Variants in CLEC16A observed in about 807,000 individuals in gnomAD.
CLEC16A encodes protein CLEC16A.
A neutral mutation model predicts 109.5 loss-of-function variants in CLEC16A; 51 were observed. The observed-to-expected ratio is 0.47, with a 90% CI of 0.37 to 0.59. The LOEUF (loss-of-function observed/expected upper bound fraction) is 0.59, where lower values mean the gene tolerates loss of function less well. Among genes scored for constraint, CLEC16A ranks in the 20% least tolerant of loss-of-function variants. CLEC16A has a pLI of 0.00. For missense variants in CLEC16A, 1,339 were observed against 1,394.0 expected (o/e 0.96, Z 0.63); for synonymous variants, 673 against 564.2 (o/e 1.19, Z -2.73).
intron 22 of CLEC16A, among the ~76,000 whole-genome samples, chr16:11,165,695 C>T (rs558653732): frequency 1.3e-5 from 2 of 152,122 alleles, no homozygotes; most frequent in Non-Finnish European, 2.9e-5. Context: ...CAGGGGTGCA[C>T]CCAGGTCTGA....
chr16:10,974,074 T>A (rs188842422), intron 7 of CLEC16A, among the ~76,000 whole-genome samples: 196 of 151,774 alleles, frequency 1.3e-3, no homozygotes, highest in Non-Finnish European at 2.0e-3. Flanking sequence ...AATTTTTGTA[T>A]TTTTAGTAGA....
chr16:10,981,388 C>G (rs2043313335), intron 9 of CLEC16A, among the ~76,000 whole-genome samples: 1 of 152,194 alleles, frequency 6.6e-6, no homozygotes, highest in Admixed American at 6.5e-5. Context: ...TGGGTTAACT[C>G]ATTGAATCAT....
intron 4 of CLEC16A, among the ~76,000 whole-genome samples, chr16:10,970,222 A>G (rs758666663): frequency 2.0e-5 from 3 of 152,060 alleles, no homozygotes; most frequent in Admixed American, 6.5e-5. Flanking sequence ...CTCAGGTTCA[A>G]CCCCTCATGG....
chr16:11,158,916 G>A (rs2054624306), intron 22 of CLEC16A, among the ~76,000 whole-genome samples: 1 of 79,894 alleles, frequency 1.3e-5, no homozygotes, highest in African/African-American at 7.2e-5. Flanking sequence ...CGAGACTCCA[G>A]CTCAGGGAAA....
At chr16:11,165,382 C>G (rs999844565) in intron 22 of CLEC16A, among the ~76,000 whole-genome samples, 2 of 151,974 alleles carry the variant, frequency 1.3e-5, no homozygotes, top group African/African-American at 4.8e-5. Flanking sequence ...GTCCCAGCTG[C>G]TCAAGAGGCT....
intron 2 of CLEC16A, among the ~76,000 whole-genome samples, chr16:10,960,532 T>A (rs1411373858): frequency 6.6e-6 from 1 of 152,194 alleles, no homozygotes; most frequent in Non-Finnish European, 1.5e-5. Context: ...GATGTTACCT[T>A]TATCACCTGG....
chr16:11,075,398 G>C (rs1010266613), intron 19 of CLEC16A, among the ~76,000 whole-genome samples: 1 of 134,422 alleles, frequency 7.4e-6, no homozygotes, highest in African/African-American at 3.0e-5. Context: ...GTGTGTGTGT[G>C]TGTGTGTGTG....
rs2068670405 is a variant in CLEC16A, at chr16:11,174,616, C to CT, written c.2807-3718dup. On this transcript the variant is annotated intron_variant, in intron 23 of 23. Coordinates refer to ENST00000409790, the MANE Select transcript of CLEC16A (RefSeq NM_015226.3). The surrounding 1 kb of genome is among the most constrained non-coding windows in gnomAD (Gnocchi z 4.7). ...GCTCGGCCCGGGCCAGAAGCAGATGCTCCTGCCAAGTCCCCCAGGGGTCCC... is the reference window on the plus strand; with the variant it reads ...GCTCGGCCCGGGCCAGAAGCAGATGCTTCCTGCCAAGTCCCCCAGGGGTCCC... Among the ~76,000 whole-genome samples, 1 of 152,282 alleles carries CT rather than the reference C, an allele frequency of 6.6e-6. No individual in the cohort carries two copies. Among genetic ancestry groups the CT allele is most frequent in the Non-Finnish European group, 1.5e-5 (1 of 68,050 alleles).
chr16:11,069,843 T>C (rs987172980), intron 19 of CLEC16A, among the ~76,000 whole-genome samples: 5 of 152,196 alleles, frequency 3.3e-5, no homozygotes, highest in Admixed American at 2.0e-4. Flanking sequence ...AGCCATCTCA[T>C]TGTATGAGTT....
chr16:11,088,594 G>A (rs961344441), intron 19 of CLEC16A, among the ~76,000 whole-genome samples: 3 of 152,152 alleles, frequency 2.0e-5, no homozygotes, highest in South Asian at 2.1e-4. Context: ...GCACAGCCTC[G>A]GGCAGGAAGT....
In CLEC16A at chr16:11,135,327, C is replaced by G. The variant is rs932328107; in HGVS notation, c.2641+9181C>G. Among the ~76,000 whole-genome samples, 12 of 152,208 alleles carry G rather than the reference C, an allele frequency of 7.9e-5. 1 individual carries two copies. Among genetic ancestry groups the G allele is most frequent in the Admixed American group, 7.2e-4 (11 of 15,286 alleles). On this transcript the variant is annotated intron_variant, in intron 22 of 23. Coordinates refer to ENST00000409790, the MANE Select transcript of CLEC16A (RefSeq NM_015226.3). The stretch of plus-strand genomic sequence containing the variant: ...CAGGGAATCTGGAGCTGGGCTCACA[C>G]AGCCAGAGAAGGAACCGCGTTCCCG...
At chr16:11,097,366 G>A (rs1449760671) in intron 19 of CLEC16A, among the ~76,000 whole-genome samples, 2 of 152,074 alleles carry the variant, frequency 1.3e-5, no homozygotes, top group Admixed American at 1.3e-4. Context: ...CCCTTGACAG[G>A]TTTCTTTCTC....
At chr16:10,975,483 A>G (rs573710375) in intron 7 of CLEC16A, among the ~76,000 whole-genome samples, 3 of 152,356 alleles carry the variant, frequency 2.0e-5, no homozygotes, top group Admixed American at 6.5e-5. Context: ...GGCACTTTAA[A>G]TATACCATTA....
chr16:10,949,395 T>G (rs895323103), intron 1 of CLEC16A, among the ~76,000 whole-genome samples: 2 of 151,988 alleles, frequency 1.3e-5, no homozygotes, highest in African/African-American at 4.8e-5. Context: ...CAGACGCTGT[T>G]TAAATGGAGA....
At chr16:10,993,528 A>G (rs922627227) in intron 10 of CLEC16A, among the ~76,000 whole-genome samples, 3 of 152,218 alleles carry the variant, frequency 2.0e-5, no homozygotes, top group African/African-American at 4.8e-5. Context: ...ATTGCAGGTG[A>G]CTAGCCCCAA....
intron 19 of CLEC16A, among the ~76,000 whole-genome samples, chr16:11,114,968 C>T (rs1567338697): frequency 6.6e-6 from 1 of 152,234 alleles, no homozygotes; most frequent in Non-Finnish European, 1.5e-5. Context: ...TCACTGTGTT[C>T]TCACAGGGCT....
Position 11,122,877 on chromosome 16 carries a change from T to C in CLEC16A, c.2269-865T>C, listed in dbSNP as rs186477475. Among the ~76,000 whole-genome samples, 187 of 151,040 alleles carry C rather than the reference T, an allele frequency of 1.2e-3. 1 individual carries two copies. Among genetic ancestry groups the C allele is most frequent in the African/African-American group, 4.2e-3 (171 of 41,142 alleles). On this transcript the variant is annotated intron_variant, in intron 20 of 23. Coordinates refer to ENST00000409790, the MANE Select transcript of CLEC16A (RefSeq NM_015226.3). The stretch of plus-strand genomic sequence containing the variant: ...CAGTTTCCTTCAAATCTCTGCTCAA[T>C]GACCTTCCCTATCCCTTTCTTTTTT...
chr16:11,103,574 CG>C (rs964432543), intron 19 of CLEC16A, among the ~76,000 whole-genome samples: 18 of 152,040 alleles, frequency 1.2e-4, no homozygotes, highest in Non-Finnish European at 2.4e-4. Flanking sequence ...AACAAAACTC[CG>C]TCTCAAAAAA....
At chr16:11,020,348 C>T (rs752705678) in intron 12 of CLEC16A, 23 bp downstream of exon 12, 1 of 1,588,054 alleles carries the variant, frequency 6.3e-7, no homozygotes. Flanking sequence ...GAGGTCGATG[C>T]TGAGTGCTCT....
Sources: gnomAD v4.1 joint callset for allele counts (sites outside exome capture counted in the v4.1 genomes callset) on GRCh38, gnomAD v4.1.1 for gene constraint, Gnocchi (gnomAD v3.1) non-coding constraint, MANE v1.5 for transcripts, NCBI Gene and HGNC (gene_info 2026-07-23, HGNC 2026-07-21) for gene names.